SERGEF: variants seen among roughly 807,000 people sequenced by gnomAD.
SERGEF encodes secretion-regulating guanine nucleotide exchange factor.
In SERGEF, 51 loss-of-function variants were observed where a neutral mutation model predicts 50.0. The observed-to-expected ratio is 1.02, with a 90% CI of 0.81 to 1.29. The LOEUF (loss-of-function observed/expected upper bound fraction) is 1.29, where lower values mean the gene tolerates loss of function less well. Ranked by LOEUF, SERGEF falls within the 50% of genes most tolerant of loss-of-function variation. The pLI is 0.00. For missense variants in SERGEF, 521 were observed against 557.0 expected, an observed-to-expected ratio of 0.94 and a Z score of 0.65; for synonymous variants, 205 against 212.4, an observed-to-expected ratio of 0.97 and a Z score of 0.30.
intron 9 of SERGEF, among the ~76,000 whole-genome samples, chr11:17,928,115 T>C (rs1852284643): frequency 6.6e-6 from 1 of 152,220 alleles, no homozygotes; most frequent in South Asian, 2.1e-4. Context: ...AACCAAGCAT[T>C]AGTGAATCCA....
At chr11:17,871,460 C>CAAAAA (rs59785475) in intron 10 of SERGEF, among the ~76,000 whole-genome samples, 1 of 93,254 alleles carries the variant, frequency 1.1e-5, no homozygotes, top group African/African-American at 4.2e-5. Flanking sequence ...GACTCCATCT[C>CAAAAA]AAAAAAAAAA....
At chr11:17,861,131 A>C (rs1006587003) in intron 10 of SERGEF, among the ~76,000 whole-genome samples, 4 of 152,200 alleles carry the variant, frequency 2.6e-5, no homozygotes, top group African/African-American at 9.6e-5. Context: ...GCATTGACTT[A>C]AGAATAGAGG....
chr11:17,809,643 GT>G, intron 10 of SERGEF, among the ~76,000 whole-genome samples: 1 of 152,270 alleles, frequency 6.6e-6, no homozygotes, highest in East Asian at 1.9e-4. Context: ...AGCCTGAGCT[GT>G]CTCAGTGGCA....
At chr11:17,955,183 T>A (rs1852840918) in intron 9 of SERGEF, among the ~76,000 whole-genome samples, 1 of 152,230 alleles carries the variant, frequency 6.6e-6, no homozygotes, top group Admixed American at 6.5e-5. Flanking sequence ...AGAACCCAAT[T>A]CAAATAACAT....
intron 9 of SERGEF, among the ~76,000 whole-genome samples, chr11:17,894,022 C>T (rs1010322814): frequency 2.0e-5 from 3 of 152,176 alleles, no homozygotes; most frequent in Non-Finnish European, 2.9e-5. Flanking sequence ...TCAAAATGGT[C>T]TTCCTAAAGT....
At chr11:17,981,552 T>C (rs1230417013) in intron 8 of SERGEF, among the ~76,000 whole-genome samples, 1 of 152,154 alleles carries the variant, frequency 6.6e-6, no homozygotes, top group African/African-American at 2.4e-5. Context: ...GAAGTAAGGA[T>C]AATAATACTC....
intron 9 of SERGEF, among the ~76,000 whole-genome samples, chr11:17,911,087 G>A (rs760662674): frequency 6.6e-6 from 1 of 152,118 alleles, no homozygotes; most frequent in African/African-American, 2.4e-5. Flanking sequence ...ATGAATAAGA[G>A]AGGAACATCA....
chr11:17,875,753 C>T (rs1326603124), intron 10 of SERGEF, among the ~76,000 whole-genome samples: 1 of 152,234 alleles, frequency 6.6e-6, no homozygotes, highest in Non-Finnish European at 1.5e-5. Context: ...GTTGATTCAT[C>T]TGTCACACAT....
At chr11:17,989,672 A>T (rs993507249) in intron 7 of SERGEF, among the ~76,000 whole-genome samples, 2 of 152,220 alleles carry the variant, frequency 1.3e-5, no homozygotes, top group African/African-American at 4.8e-5. Flanking sequence ...CAACCCTTAT[A>T]ATCTAAGGAT....
chr11:17,912,268 A>C (rs1413559269), intron 9 of SERGEF, among the ~76,000 whole-genome samples: 1 of 152,236 alleles, frequency 6.6e-6, no homozygotes, highest in Non-Finnish European at 1.5e-5. Context: ...GATGCCAGAG[A>C]AAAGTCAAGG....
At chr11:17,981,528 A>G (rs1853495108) in intron 8 of SERGEF, among the ~76,000 whole-genome samples, 1 of 151,998 alleles carries the variant, frequency 6.6e-6, no homozygotes, top group African/African-American at 2.4e-5. Context: ...TTAACGAATT[A>G]GGGACTCTTG....
rs1343090717 is a variant in SERGEF, at chr11:18,006,586, C to T, written c.352+5G>A. The T allele has an allele frequency of 6.2e-7, 1 of 1,613,098 alleles. No homozygotes were observed. The highest frequency in any genetic ancestry group is 1.7e-5 in the Admixed American group (1 of 59,772). ...TGACAAAAATCTACCTAGGAGTGAA[C>T]TCACCTGTGAGCATAATCGTAAAAT... On this transcript the variant is annotated splice_donor_5th_base_variant and intron_variant, in intron 3 of 10. Transcript: ENST00000265965.
Position 17,995,764 on chromosome 11 carries a change from C to T in SERGEF, c.622+32G>A, listed in dbSNP as rs779153698. On this transcript the variant is annotated intron_variant, in intron 6 of 10. Coordinates refer to ENST00000265965, the MANE Select transcript of SERGEF (RefSeq NM_012139.4). ...TATGTCTCTACTTCCTGACAAAGAACAAATATAGGACTAAAGAAAGAAGCA... is the reference window on the plus strand; with the variant it reads ...TATGTCTCTACTTCCTGACAAAGAATAAATATAGGACTAAAGAAAGAAGCA... 10 of 1,431,676 alleles carry T rather than the reference C, an allele frequency of 7.0e-6. No individual in the cohort carries two copies. In the East Asian group the frequency reaches 2.3e-4, roughly 33 times the overall value. The allele number at this position is 1,431,676 out of a possible 1,614,324, so 88.7% of individuals were successfully genotyped here.
At chr11:17,997,656 A>G (rs1010116723) in intron 5 of SERGEF, among the ~76,000 whole-genome samples, 1 of 152,268 alleles carries the variant, frequency 6.6e-6, no homozygotes, top group African/African-American at 2.4e-5. Flanking sequence ...AATGGTAAGC[A>G]AAACGTGATA....
At chr11:17,810,605 T>G (rs1849850787) in intron 10 of SERGEF, among the ~76,000 whole-genome samples, 1 of 152,240 alleles carries the variant, frequency 6.6e-6, no homozygotes, top group Non-Finnish European at 1.5e-5. Context: ...GAGCTTCCCA[T>G]GAACTTTGTA....
At chr11:17,883,086 C>T (rs1851365456) in intron 9 of SERGEF, among the ~76,000 whole-genome samples, 1 of 152,100 alleles carries the variant, frequency 6.6e-6, no homozygotes, top group African/African-American at 2.4e-5. Flanking sequence ...TCAGGGACCT[C>T]AGCCTGCGAA....
At chr11:17,997,477 A>G (rs111677851) in intron 5 of SERGEF, among the ~76,000 whole-genome samples, 1 of 152,372 alleles carries the variant, frequency 6.6e-6, no homozygotes, top group African/African-American at 2.4e-5. Flanking sequence ...GTAGTTCCTC[A>G]GAAAATTAAA....
chr11:17,823,153 T>A (rs1014089851), intron 10 of SERGEF, among the ~76,000 whole-genome samples: 4 of 152,232 alleles, frequency 2.6e-5, no homozygotes, highest in African/African-American at 9.6e-5. Flanking sequence ...CAGTTTTGAG[T>A]ACTAGCAGGT....
At chr11:17,889,394 C>T (rs1262166522) in intron 9 of SERGEF, among the ~76,000 whole-genome samples, 2 of 152,182 alleles carry the variant, frequency 1.3e-5, no homozygotes, top group African/African-American at 4.8e-5. Flanking sequence ...ACAGACACAA[C>T]ATCACTTATT....
Sources: gnomAD v4.1 joint callset for allele counts (sites outside exome capture counted in the v4.1 genomes callset) on GRCh38, gnomAD v4.1.1 for gene constraint, MANE v1.5 for transcripts, NCBI Gene and HGNC (gene_info 2026-07-23, HGNC 2026-07-21) for gene names.